Variants in EXOC4 observed in about 807,000 individuals in gnomAD.
The protein encoded by EXOC4 is SEC8-like 1.
EXOC4 carries 71 observed loss-of-function variants against 107.2 expected under a neutral mutation model. That is an observed-to-expected ratio of 0.66 (90% CI 0.55 to 0.81). EXOC4 has a LOEUF of 0.81. Ranked by LOEUF, EXOC4 falls within the 30% of genes least tolerant of loss-of-function variation. The pLI is 0.00. For missense variants in EXOC4, 1,108 were observed against 1,189.6 expected (o/e 0.93, Z 1.01); for synonymous variants, 456 against 441.2 (o/e 1.03, Z -0.42).
intron 11 of EXOC4, among the ~76,000 whole-genome samples, chr7:133,862,767 GTTA>G (rs1798562483): frequency 6.6e-6 from 1 of 152,080 alleles, no homozygotes; most frequent in African/African-American, 2.4e-5. Flanking sequence ...AACTGAGGTA[GTTA>G]TTATGTAGGG....
At chr7:133,786,145 T>C (rs1280550675) in intron 10 of EXOC4, among the ~76,000 whole-genome samples, 1 of 152,236 alleles carries the variant, frequency 6.6e-6, no homozygotes, top group African/African-American at 2.4e-5. Flanking sequence ...GGTACATTTT[T>C]GGAGGACACT....
At chr7:133,379,647 G>A (rs1417178602) in intron 7 of EXOC4, among the ~76,000 whole-genome samples, 1 of 151,612 alleles carries the variant, frequency 6.6e-6, no homozygotes, top group East Asian at 1.9e-4. Context: ...TTGTGAATAA[G>A]TTTTTATGAC....
rs545568576 is a variant in EXOC4 at position 133,614,594 on chromosome 7, T to A, written c.1418-15451T>A. Among the ~76,000 whole-genome samples the A allele has an allele frequency of 7.2e-5, 11 of 152,064 alleles. 1 individual carries two copies. The South Asian group carries it at 1.2e-3, about 17-fold the overall frequency. ...GGATCGTCAGCATTATGTAAGAGAA[T>A]CCTGACAGGGAGAACATCATGAAAG... On this transcript the variant is annotated intron_variant, in intron 9 of 17. Coordinates refer to ENST00000253861, the MANE Select transcript of EXOC4 (RefSeq NM_021807.4).
intron 9 of EXOC4, among the ~76,000 whole-genome samples, chr7:133,588,061 AC>A (rs1801447936): frequency 6.6e-6 from 1 of 152,150 alleles, no homozygotes; most frequent in Admixed American, 6.5e-5. Context: ...TGTTAGACAT[AC>A]TTCTTTGTAT....
chr7:133,560,372 C>T (rs1006315099), intron 9 of EXOC4, among the ~76,000 whole-genome samples: 1 of 152,136 alleles, frequency 6.6e-6, no homozygotes, highest in Non-Finnish European at 1.5e-5. Context: ...GCAACCTCCA[C>T]CTCCTGGATT....
At chr7:133,814,015 G>A (rs1435407949) in intron 10 of EXOC4, among the ~76,000 whole-genome samples, 3 of 152,122 alleles carry the variant, frequency 2.0e-5, no homozygotes, top group Admixed American at 2.0e-4. Context: ...TTTGATATGT[G>A]TAGGCAATTT....
intron 9 of EXOC4, among the ~76,000 whole-genome samples, chr7:133,554,693 A>G (rs878877662): frequency 2.6e-5 from 4 of 152,092 alleles, no homozygotes; most frequent in Admixed American, 6.6e-5. Flanking sequence ...CTTTTCATCC[A>G]TGGAGCCCCA....
At chr7:134,046,005 A>G (rs1394741997) in intron 17 of EXOC4, among the ~76,000 whole-genome samples, 1 of 152,172 alleles carries the variant, frequency 6.6e-6, no homozygotes, top group African/African-American at 2.4e-5. Flanking sequence ...CACCTGGCCT[A>G]CAGCCTGCTC....
the EXOC4 span, among the ~76,000 whole-genome samples, chr7:134,095,481 A>T: frequency 6.6e-6 from 1 of 152,184 alleles, no homozygotes; most frequent in African/African-American, 2.4e-5. Context: ...TCTAAAATTC[A>T]TATGGAACCA....
intron 6 of EXOC4, among the ~76,000 whole-genome samples, chr7:133,362,828 C>A (rs1031767156): frequency 1.3e-5 from 2 of 152,136 alleles, no homozygotes; most frequent in Admixed American, 6.5e-5. Flanking sequence ...TTCGTTTTAT[C>A]TCTTCTTTCT....
At chr7:134,023,090 T>C (rs1385748786) in intron 17 of EXOC4, among the ~76,000 whole-genome samples, 1 of 152,230 alleles carries the variant, frequency 6.6e-6, no homozygotes, top group Non-Finnish European at 1.5e-5. Context: ...GTAATTCCTC[T>C]GTATGGAAAA....
intron 9 of EXOC4, among the ~76,000 whole-genome samples, chr7:133,522,977 CAAGTT>C (rs1430314121): frequency 6.6e-6 from 1 of 152,138 alleles, no homozygotes; most frequent in African/African-American, 2.4e-5. Flanking sequence ...TGAACCAAGT[CAAGTT>C]GACTGCTGGC....
intron 11 of EXOC4, among the ~76,000 whole-genome samples, chr7:133,875,590 T>G (rs1195582783): frequency 1.3e-5 from 2 of 152,212 alleles, no homozygotes; most frequent in African/African-American, 4.8e-5. Context: ...AATGGTCTAC[T>G]GATGATCAGG....
At chr7:133,768,988 G>A (rs1330007809) in intron 10 of EXOC4, among the ~76,000 whole-genome samples, 1 of 151,962 alleles carries the variant, frequency 6.6e-6, no homozygotes. Flanking sequence ...ACAGAGGGAA[G>A]GATGTCCTAT....
chr7:133,461,384 A>G (rs1193622743), intron 7 of EXOC4, among the ~76,000 whole-genome samples: 1 of 152,228 alleles, frequency 6.6e-6, no homozygotes. Context: ...ATTACAAAGT[A>G]AATGCTGGTT....
chr7:133,782,824 G>A (rs1177325908), intron 10 of EXOC4, among the ~76,000 whole-genome samples: 2 of 152,170 alleles, frequency 1.3e-5, no homozygotes, highest in Admixed American at 6.5e-5. Flanking sequence ...TGTGAGGCAT[G>A]TATGGAAAGA....
intron 9 of EXOC4, among the ~76,000 whole-genome samples, chr7:133,497,820 T>C (rs1799506653): frequency 6.6e-6 from 1 of 152,166 alleles, no homozygotes. Flanking sequence ...GGAAGACATG[T>C]CTATCAGTCT....
chr7:134,052,131 C>G (rs1292900569), intron 17 of EXOC4, among the ~76,000 whole-genome samples: 1 of 152,100 alleles, frequency 6.6e-6, no homozygotes, highest in African/African-American at 2.4e-5. Flanking sequence ...ACATTGGAGG[C>G]TTAGAAAGGA....
chr7:133,591,130 A>G (rs1801532657), intron 9 of EXOC4, among the ~76,000 whole-genome samples: 1 of 152,306 alleles, frequency 6.6e-6, no homozygotes, highest in South Asian at 2.1e-4. Context: ...CAAGGGAACT[A>G]TCCTATTTCA....
Sources: allele counts gnomAD v4.1 joint callset (sites outside exome capture counted in the v4.1 genomes callset), GRCh38; gene constraint gnomAD v4.1.1; transcripts MANE v1.5; gene names NCBI Gene and HGNC (gene_info 2026-07-23, HGNC 2026-07-21).